G3BP1: variants seen among roughly 807,000 people sequenced by gnomAD.
G3BP1 encodes the protein G3BP stress granule assembly factor 1.
G3BP1 carries 35 observed loss-of-function variants against 58.6 expected under a neutral mutation model. The observed-to-expected ratio is 0.60, with a 90% confidence interval of 0.46 to 0.79. The LOEUF is 0.79. G3BP1 is among the 30% of genes least tolerant of loss of function. The pLI, the probability that G3BP1 is intolerant of heterozygous loss-of-function variation, is 0.00. For missense variants in G3BP1, 523 were observed against 580.8 expected (o/e 0.90, Z 1.02); for synonymous variants, 191 against 195.4 (o/e 0.98, Z 0.19).
chr5:151,781,956 C>T (rs1432796485), intron 1 of G3BP1, among the ~76,000 whole-genome samples: 2 of 151,632 alleles, frequency 1.3e-5, no homozygotes, highest in African/African-American at 4.8e-5. Context: ...TGTAGTTCAT[C>T]CAAAAGGTAG....
intron 11 of G3BP1, among the ~76,000 whole-genome samples, chr5:151,801,378 T>C (rs1156829968): frequency 6.6e-6 from 1 of 152,184 alleles, no homozygotes; most frequent in African/African-American, 2.4e-5. Flanking sequence ...GTTCTAATAA[T>C]AGAAGAATTT....
rs544961295 is a variant in G3BP1 at position 151,808,168 on chromosome 5, G to A, written c.*4077G>A. 3.3e-4 allele frequency: 51 copies of A among 152,290 alleles called. No individual in the cohort carries two copies. The highest frequency in any genetic ancestry group is 1.2e-3 in the African/African-American group (50 of 41,572). 9.4% of individuals were successfully genotyped at this position (152,290 alleles called of 1,614,324 possible). A position where few individuals can be genotyped will look rare whatever the true frequency, so the allele number is the denominator to read the frequency against. On this transcript the variant is annotated 3_prime_UTR_variant, in exon 12 of 12. Transcript: ENST00000356245. ...TGGTTCTAAGGTAGTAATGCCTTTT[G>A]GGATTTATATTTGTTTAATGTTGAG...
intron 11 of G3BP1, among the ~76,000 whole-genome samples, chr5:151,803,397 A>G (rs890624745): frequency 6.6e-6 from 1 of 152,116 alleles, no homozygotes; most frequent in Non-Finnish European, 1.5e-5. Flanking sequence ...CCCGGGTTCA[A>G]GTTGCACTCC....
chr5:151,789,507 G>T (rs1194707470), intron 2 of G3BP1, among the ~76,000 whole-genome samples: 1 of 152,194 alleles, frequency 6.6e-6, no homozygotes, highest in Admixed American at 6.5e-5. Flanking sequence ...ACATAGATGG[G>T]TGAAAACCAT....
At chr5:151,793,946 C>T (rs1762704307) in intron 4 of G3BP1, among the ~76,000 whole-genome samples, 1 of 151,794 alleles carries the variant, frequency 6.6e-6, no homozygotes, top group South Asian at 2.1e-4. Flanking sequence ...CCTGGAATGT[C>T]AAGGCTGCAG....
chr5:151,804,046 G>A lies in G3BP1; in HGVS notation c.1356G>A (p.Gln452=). ...MRGPPRGGMV[Q]KPGFGVGRGL... ...GCCCTCCCCGTGGAGGCATGGTGCA[G>A]AAACCAGGATTTGGAGTGGGAAGGG... is the stretch of plus-strand genomic sequence containing the variant. Residue 452 remains glutamine (Q), a synonymous_variant, in exon 12 of 12, where the codon CAG becomes CAA. Transcript: ENST00000356245. 6.2e-7 allele frequency: 1 copy of A among 1,612,938 alleles called. No individual in the cohort carries two copies. Among genetic ancestry groups the A allele is most frequent in the South Asian group, 1.1e-5 (1 of 90,836 alleles).
intron 1 of G3BP1, among the ~76,000 whole-genome samples, chr5:151,779,904 ATTTG>A (rs1762437360): frequency 1.3e-5 from 2 of 152,092 alleles, no homozygotes; most frequent in South Asian, 4.1e-4. Context: ...GGTGGCAGTT[ATTTG>A]TTTTTGTCTT....
intron 1 of G3BP1, among the ~76,000 whole-genome samples, chr5:151,785,902 CTA>C (rs759474028): frequency 7.9e-5 from 12 of 152,196 alleles, no homozygotes; most frequent in Non-Finnish European, 1.6e-4. Flanking sequence ...GATGTCAAAA[CTA>C]TGTTGTTTAA....
intron 1 of G3BP1, among the ~76,000 whole-genome samples, chr5:151,781,275 A>C (rs1029944859): frequency 6.6e-6 from 1 of 152,246 alleles, no homozygotes; most frequent in African/African-American, 2.4e-5. Flanking sequence ...AAATGTAAAC[A>C]AATGTAAAGA....
intron 1 of G3BP1, among the ~76,000 whole-genome samples, chr5:151,778,503 G>A (rs1341947458): frequency 2.0e-5 from 3 of 151,900 alleles, no homozygotes; most frequent in Non-Finnish European, 4.4e-5. Flanking sequence ...GTGCAGTGGC[G>A]CCATCTCTGC....
At chr5:151,793,299 G>A (rs1436155161) in intron 4 of G3BP1, among the ~76,000 whole-genome samples, 1 of 151,990 alleles carries the variant, frequency 6.6e-6, no homozygotes, top group African/African-American at 2.4e-5. Flanking sequence ...AGTAGAGATG[G>A]GGTTTCACCA....
intron 1 of G3BP1, among the ~76,000 whole-genome samples, chr5:151,779,137 T>C (rs1762424798): frequency 6.6e-6 from 1 of 150,982 alleles, no homozygotes; most frequent in South Asian, 2.1e-4. Flanking sequence ...GCCTTTTCAT[T>C]CTTTTGATGG....
chr5:151,775,385 T>C lies in G3BP1; in HGVS notation c.-50+3349T>C, dbSNP rs202011259. ...TATTTAGAGAGTGCTTTCACACATCTTTGGTATTACCATACTTTTACTAAA... is the reference window on the plus strand; with the variant it reads ...TATTTAGAGAGTGCTTTCACACATCCTTGGTATTACCATACTTTTACTAAA... On this transcript the variant is annotated intron_variant, in intron 1 of 11. Coordinates refer to ENST00000356245, the MANE Select transcript of G3BP1 (RefSeq NM_005754.3). 4.1e-3 allele frequency among the ~76,000 whole-genome samples: 618 copies of C among 152,372 alleles called. 2 individuals are homozygous for C. Among genetic ancestry groups the C allele is most frequent in the African/African-American group, 0.014 (593 of 41,584 alleles).
chr5:151,773,667 C>G (rs1442034879), intron 1 of G3BP1, among the ~76,000 whole-genome samples: 1 of 152,128 alleles, frequency 6.6e-6, no homozygotes, highest in Non-Finnish European at 1.5e-5. Flanking sequence ...TTTCTATAAA[C>G]ATGTTTCTAT....
At chr5:151,776,408 TC>T (rs1317684174) in intron 1 of G3BP1, among the ~76,000 whole-genome samples, 1 of 152,192 alleles carries the variant, frequency 6.6e-6, no homozygotes, top group Non-Finnish European at 1.5e-5. Context: ...GGCTCTACTT[TC>T]TAGAGGGAGG....
rs1243910931 is a variant in G3BP1, at chr5:151,799,427, T to C, written c.843+114T>C. On this transcript the variant is annotated intron_variant, in intron 8 of 11. Coordinates refer to ENST00000356245, the MANE Select transcript of G3BP1 (RefSeq NM_005754.3). ...GGTCAGGTGCAGTGTGGCTCATGCCTGTAATCCCAGCACTTTAGGAGGCTG... is the reference window on the plus strand; with the variant it reads ...GGTCAGGTGCAGTGTGGCTCATGCCCGTAATCCCAGCACTTTAGGAGGCTG... 7 of 669,494 alleles carry C rather than the reference T, an allele frequency of 1.0e-5. No individual in the cohort carries two copies. The Admixed American group carries it at 1.7e-4, about 16-fold the overall frequency. 41.5% of individuals were successfully genotyped at this position (669,494 alleles called of 1,614,324 possible).
At chr5:151,794,323 G>T (rs1190768313) in intron 5 of G3BP1, 74 bp downstream of exon 5, 2 of 789,912 alleles carry the variant, frequency 2.5e-6, no homozygotes, top group East Asian at 5.0e-5. Context: ...AAGAGACTAT[G>T]GGTTTCTTTA....
chr5:151,802,254 G>A (rs1762868141), intron 11 of G3BP1, among the ~76,000 whole-genome samples: 1 of 152,150 alleles, frequency 6.6e-6, no homozygotes, highest in African/African-American at 2.4e-5. Context: ...GAGAACAGTG[G>A]TTTATCTCAC....
In G3BP1 at chr5:151,795,689, C is replaced by G. The variant is rs1323284844; in HGVS notation, c.539+114C>G. On this transcript the variant is annotated intron_variant, in intron 6 of 11. Transcript: ENST00000356245. ...GAGAATTACCTCAAAATAATAATTT[C>G]TCAGAAGAATGGTTTTGTTTCTGGT... The G allele has an allele frequency of 1.9e-5, 11 of 566,978 alleles. No homozygotes were observed. The East Asian group carries it at 3.2e-4, about 17-fold the overall frequency. The allele number at this position is 566,978 out of a possible 1,614,324, so 35.1% of individuals were successfully genotyped here. A position where few individuals can be genotyped will look rare whatever the true frequency, so the allele number is the denominator to read the frequency against.
Sources: allele counts gnomAD v4.1 joint callset (sites outside exome capture counted in the v4.1 genomes callset), GRCh38; gene constraint gnomAD v4.1.1; transcripts MANE v1.5; gene names NCBI Gene and HGNC (gene_info 2026-07-23, HGNC 2026-07-21).